NUP160: variants seen among roughly 807,000 people sequenced by gnomAD.
NUP160 encodes the protein nucleoporin 160.
Under a neutral mutation model 196.9 loss-of-function variants are expected in NUP160, and 94 were observed. The observed-to-expected ratio is 0.48, with a 90% confidence interval of 0.40 to 0.57. The LOEUF is 0.57. Ranked by LOEUF, NUP160 falls within the 20% of genes least tolerant of loss-of-function variation. The pLI, the probability that NUP160 is intolerant of heterozygous loss-of-function variation, is 0.00. For synonymous variants in NUP160, 605 were observed against 619.7 expected, an observed-to-expected ratio of 0.98 and a Z score of 0.35; for missense variants, 1,638 against 1,748.3, an observed-to-expected ratio of 0.94 and a Z score of 1.13.
At chr11:47,809,096 G>A (rs376331525) in intron 17 of NUP160, among the ~76,000 whole-genome samples, 8 of 151,072 alleles carry the variant, frequency 5.3e-5, no homozygotes, top group South Asian at 2.1e-4. Flanking sequence ...GCAAGACTCC[G>A]TCTTAAAAAA....
intron 7 of NUP160, among the ~76,000 whole-genome samples, chr11:47,828,876 A>G (rs1287720203): frequency 2.0e-5 from 3 of 152,166 alleles, no homozygotes; most frequent in African/African-American, 7.2e-5. Flanking sequence ...AGAAAACTGA[A>G]TATCTACAAG....
chr11:47,829,567 A>C (rs1852035417), intron 7 of NUP160, among the ~76,000 whole-genome samples: 1 of 152,182 alleles, frequency 6.6e-6, no homozygotes, highest in African/African-American at 2.4e-5. Context: ...TTGGCCTCCC[A>C]AAGTGCTAGG....
At chr11:47,796,715 T>G (rs2097671079) in intron 27 of NUP160, among the ~76,000 whole-genome samples, 1 of 152,342 alleles carries the variant, frequency 6.6e-6, no homozygotes, top group South Asian at 2.1e-4. Context: ...ATTTGATAAC[T>G]TCTAAATGTA....
chr11:47,814,929 T>C (rs1361531091), intron 13 of NUP160, among the ~76,000 whole-genome samples: 2 of 152,196 alleles, frequency 1.3e-5, no homozygotes, highest in South Asian at 2.1e-4. Flanking sequence ...TGGAAATTAC[T>C]TCAATATAAA....
chr11:47,803,343 T>C (rs989595942), intron 22 of NUP160, 95 bp downstream of exon 22: 3 of 738,472 alleles, frequency 4.1e-6, no homozygotes, highest in African/African-American at 3.5e-5. Flanking sequence ...GAGGATTCTA[T>C]GTCTCCCATC....
At chr11:47,806,645 A>G (rs967480213) in intron 19 of NUP160, 4 of 245,136 alleles carry the variant, frequency 1.6e-5, no homozygotes, top group Non-Finnish European at 3.1e-5. Context: ...AATACAAAAT[A>G]AATTCTCCAG....
Position 47,782,298 on chromosome 11 carries a change from AAAAAAATATATATATATATATATAT to A in NUP160, c.4116+750_4116+774del, listed in dbSNP as rs1175064055. 6.0e-4 allele frequency among the ~76,000 whole-genome samples: 32 copies of A among 53,300 alleles called. 2 individuals are homozygous for A. The highest frequency in any genetic ancestry group is 5.6e-3 in the East Asian group (14 of 2,508). The allele number at this position is 53,300 out of a possible 152,430, so 35.0% of individuals were successfully genotyped here. ...CAGAGCAAAACTCAGTTAAAAAAAA[AAAAAAATATATATATATATATATAT>A]ATATATATATATATATATATATATA... is the stretch of plus-strand genomic sequence containing the variant. On this transcript the variant is annotated intron_variant, in intron 34 of 35. Coordinates refer to ENST00000378460, the Ensembl canonical transcript of NUP160.
At chr11:47,848,288 A>G (rs762592048) in exon 1 of NUP160, 2 of 1,614,094 alleles carry the variant, frequency 1.2e-6, no homozygotes, top group Non-Finnish European at 1.7e-6. Flanking sequence ...AGCTCCACGA[A>G]GCTCCGTTCC....
At position 47,779,830 on chromosome 11, in the gene NUP160, C is replaced by T. The variant is rs377059528; in HGVS notation, c.4221+513G>A. Among the ~76,000 whole-genome samples the T allele has an allele frequency of 1.2e-4, 18 of 152,178 alleles. No homozygotes were observed. The East Asian group carries it at 2.1e-3, about 18-fold the overall frequency. On this transcript the variant is annotated intron_variant, in intron 35 of 35. Coordinates refer to ENST00000378460, the Ensembl canonical transcript of NUP160. Reference sequence around the variant, plus strand: ...GGAACCTCCGCCTCCTGGGTTCAAGCGATTCTCCTGCCTCAGCCTCCCGAG... The same window carrying T: ...GGAACCTCCGCCTCCTGGGTTCAAGTGATTCTCCTGCCTCAGCCTCCCGAG...
chr11:47,792,726 C>T, intron 28 of NUP160, 60 bp downstream of exon 28: 1 of 1,445,194 alleles, frequency 6.9e-7, no homozygotes, highest in Non-Finnish European at 9.3e-7. Context: ...AGGACCAAAA[C>T]AAGTAGATTT....
intron 27 of NUP160, among the ~76,000 whole-genome samples, chr11:47,795,428 TGATTC>T (rs1172760060): frequency 2.0e-5 from 3 of 152,152 alleles, no homozygotes; most frequent in Non-Finnish European, 2.9e-5. Flanking sequence ...CCTTCCTATA[TGATTC>T]AAGAAAATAA....
intron 17 of NUP160, among the ~76,000 whole-genome samples, chr11:47,810,803 C>T (rs901794176): frequency 7.9e-5 from 12 of 152,224 alleles, no homozygotes; most frequent in African/African-American, 2.9e-4. Context: ...ACCTCAGCCT[C>T]GCAAAGTGCT....
chr11:47,780,599 C>T (rs2097660159), intron 34 of NUP160, 152 bp from the exon 35 acceptor site: 6 of 485,292 alleles, frequency 1.2e-5, no homozygotes, highest in Non-Finnish European at 1.9e-5. Flanking sequence ...TGCAGTGGCA[C>T]AATCTCAGCT....
intron 29 of NUP160, among the ~76,000 whole-genome samples, chr11:47,789,201 CTTGCTATG>C (rs1201920290): frequency 6.6e-6 from 1 of 152,102 alleles, no homozygotes; most frequent in Non-Finnish European, 1.5e-5. Flanking sequence ...TCTACAGGGT[CTTGCTATG>C]TTGCCCAGGC....
chr11:47,826,291 A>G (rs999263770), intron 7 of NUP160, among the ~76,000 whole-genome samples: 1 of 152,228 alleles, frequency 6.6e-6, no homozygotes, highest in Non-Finnish European at 1.5e-5. Context: ...GTTTTTGTGA[A>G]GAAAAAAGAA....
At chr11:47,828,276 T>C (rs531971914) in intron 7 of NUP160, among the ~76,000 whole-genome samples, 1 of 151,966 alleles carries the variant, frequency 6.6e-6, no homozygotes, top group East Asian at 1.9e-4. Flanking sequence ...GATACAATTA[T>C]GAATATACAA....
intron 7 of NUP160, among the ~76,000 whole-genome samples, chr11:47,824,089 G>T (rs1851921600): frequency 7.6e-6 from 1 of 131,990 alleles, no homozygotes; most frequent in Non-Finnish European, 1.6e-5. Context: ...TGGAATATAT[G>T]GTAATTCTAT....
At position 47,795,027 on chromosome 11, in the gene NUP160, G is replaced by T. The variant is rs570037906; in HGVS notation, c.3290-2081C>A. Among the ~76,000 whole-genome samples the T allele has an allele frequency of 6.6e-5, 10 of 152,134 alleles. No homozygotes were observed. The South Asian group carries it at 2.1e-3, about 32-fold the overall frequency. ...GAGGCAGGAGAATTGCTTGAACCTGGAAGTGGAGGTTGCTGTGAGCCGAGA... is the reference window on the plus strand; with the variant it reads ...GAGGCAGGAGAATTGCTTGAACCTGTAAGTGGAGGTTGCTGTGAGCCGAGA... On this transcript the variant is annotated intron_variant, in intron 27 of 35. Transcript: ENST00000378460.
At chr11:47,801,541 G>A (rs997577583) in intron 23 of NUP160, among the ~76,000 whole-genome samples, 2 of 152,006 alleles carry the variant, frequency 1.3e-5, no homozygotes, top group African/African-American at 2.4e-5. Context: ...GTAGAGGCAG[G>A]GTTTTGGCAT....
Sources: allele counts gnomAD v4.1 joint callset (sites outside exome capture counted in the v4.1 genomes callset), GRCh38; gene constraint gnomAD v4.1.1; transcripts MANE v1.5; gene names NCBI Gene and HGNC (gene_info 2026-07-23, HGNC 2026-07-21).